TMEM108: variants seen among roughly 807,000 people sequenced by gnomAD.
TMEM108 encodes cancer/testis antigen 124.
In TMEM108, 12 loss-of-function variants were observed where a neutral mutation model predicts 35.1. That is an observed-to-expected ratio of 0.34 (90% CI 0.22 to 0.55). TMEM108 has a LOEUF of 0.55. Ranked by LOEUF, TMEM108 falls within the 20% of genes least tolerant of loss-of-function variation. The pLI, the probability that TMEM108 is intolerant of heterozygous loss-of-function variation, is 0.89. For synonymous variants in TMEM108, 287 were observed against 308.6 expected (o/e 0.93, Z 0.73); for missense variants, 680 against 753.3 (o/e 0.90, Z 1.14).
At chr3:133,184,221 C>G (rs1303524032) in intron 2 of TMEM108, among the ~76,000 whole-genome samples, 1 of 152,142 alleles carries the variant, frequency 6.6e-6, no homozygotes, top group Admixed American at 6.5e-5. Flanking sequence ...GCTGTTACAT[C>G]AGATGTGATC....
At chr3:133,298,254 C>G (rs1947172885) in intron 3 of TMEM108, among the ~76,000 whole-genome samples, 1 of 152,138 alleles carries the variant, frequency 6.6e-6, no homozygotes, top group South Asian at 2.1e-4. Context: ...ACCCTCCCAG[C>G]TCTGCCAGAA....
Position 133,380,139 on chromosome 3 carries a change from T to A in TMEM108, c.428T>A (p.Leu143Gln), listed in dbSNP as rs747897988. ...GGGCAGGCTGCCCCCACCATCCTGCTGACAAAGCCACCGGGGGCCACCAGC... is the reference window on the plus strand; with the variant it reads ...GGGCAGGCTGCCCCCACCATCCTGCAGACAAAGCCACCGGGGGCCACCAGC... ...PRGQAAPTIL[L>Q]TKPPGATSRP... The change falls in exon 4 of 6, where the codon CTG becomes CAG. Residue 143 changes from leucine to glutamine, a missense_variant. This residue lies in a region of TMEM108 where 526 missense variants were observed against 532.1 expected (regional missense o/e 0.99). Coordinates refer to ENST00000321871, the MANE Select transcript of TMEM108 (RefSeq NM_023943.4). This position sits in a 1 kb window ranked among gnomAD's most constrained non-coding sequence, Gnocchi z 5.3. 3 of 1,613,582 alleles carry A rather than the reference T, an allele frequency of 1.9e-6. No homozygotes were observed. The highest frequency in any genetic ancestry group is 1.7e-5 in the Admixed American group (1 of 59,984).
At chr3:133,345,538 A>G (rs1007070136) in intron 3 of TMEM108, among the ~76,000 whole-genome samples, 1 of 151,858 alleles carries the variant, frequency 6.6e-6, no homozygotes, top group South Asian at 2.1e-4. Context: ...CAGACACTCA[A>G]ATAAATGCAA....
chr3:133,222,544 C>T (rs1414181155), intron 2 of TMEM108, among the ~76,000 whole-genome samples: 3 of 152,016 alleles, frequency 2.0e-5, no homozygotes, highest in African/African-American at 4.8e-5. Flanking sequence ...CTCCACTAAT[C>T]CCATAAGCTC....
chr3:133,295,582 A>G (rs1327854916), intron 3 of TMEM108, among the ~76,000 whole-genome samples: 1 of 152,194 alleles, frequency 6.6e-6, no homozygotes, highest in Non-Finnish European at 1.5e-5. Flanking sequence ...GAAGAGCAGA[A>G]GTGTGCAGTG....
At position 133,379,727 on chromosome 3, in the gene TMEM108, C is replaced by G. The variant is rs371142650; in HGVS notation, c.41-25C>G. ...GTATGCTGCTCCCCAAGTATTTTAC[C>G]TCTTCTCTCTGTCTCCTTTTCAAGG... On this transcript the variant is annotated intron_variant, in intron 3 of 5. Transcript: ENST00000321871. 2.9e-5 allele frequency: 47 copies of G among 1,603,292 alleles called. No homozygotes were observed. In the African/African-American group the frequency reaches 6.2e-4, roughly 21 times the overall value.
At chr3:133,279,628 C>G (rs954686491) in intron 3 of TMEM108, among the ~76,000 whole-genome samples, 36 of 152,186 alleles carry the variant, frequency 2.4e-4, no homozygotes, top group African/African-American at 8.4e-4. Flanking sequence ...TCCCAGCAGC[C>G]ATGTACCACA....
chr3:133,314,842 T>C (rs1427882951), intron 3 of TMEM108, among the ~76,000 whole-genome samples: 2 of 152,212 alleles, frequency 1.3e-5, no homozygotes, highest in Non-Finnish European at 2.9e-5. Context: ...ACTATTGATA[T>C]AGCTCTCTGA....
At chr3:133,097,079 G>T (rs905539302) in intron 2 of TMEM108, among the ~76,000 whole-genome samples, 1 of 152,246 alleles carries the variant, frequency 6.6e-6, no homozygotes, top group Non-Finnish European at 1.5e-5. Flanking sequence ...GTTAAGTTCT[G>T]TAGAGGCCAT....
At chr3:133,384,949 T>C (rs2107851197) in intron 4 of TMEM108, among the ~76,000 whole-genome samples, 1 of 152,340 alleles carries the variant, frequency 6.6e-6, no homozygotes, top group East Asian at 1.9e-4. Context: ...CCCCTCTCTC[T>C]CTGACACTAG....
intron 1 of TMEM108, among the ~76,000 whole-genome samples, chr3:133,040,202 G>T (rs1032725509): frequency 2.3e-3 from 272 of 119,658 alleles, no homozygotes; most frequent in African/African-American, 3.7e-3. Context: ...TTGTTTGTTT[G>T]TTTGTTTTTT....
intron 2 of TMEM108, among the ~76,000 whole-genome samples, chr3:133,204,067 C>T (rs113779732): frequency 6.6e-6 from 1 of 152,002 alleles, no homozygotes; most frequent in Non-Finnish European, 1.5e-5. Context: ...TCTAGATTTT[C>T]TAGTTTGTTT....
In TMEM108 at chr3:133,348,884, A is replaced by G. The variant is rs149556625; in HGVS notation, c.41-30868A>G. Among the ~76,000 whole-genome samples the G allele has an allele frequency of 2.7e-3, 411 of 152,306 alleles. 5 individuals are homozygous for G. The highest frequency in any genetic ancestry group is 9.3e-3 in the African/African-American group (387 of 41,562). ...AATATTGGTAAATATTTCCAAAAAC[A>G]GGATTGGGAAGGACTTTTCTTTGGT... On this transcript the variant is annotated intron_variant, in intron 3 of 5. Transcript: ENST00000321871.
At chr3:133,251,716 G>A (rs185807906) in intron 3 of TMEM108, among the ~76,000 whole-genome samples, 19 of 152,232 alleles carry the variant, frequency 1.2e-4, no homozygotes, top group Non-Finnish European at 2.6e-4. Context: ...GTCTAGTCAC[G>A]TGGTCCTATC....
chr3:133,354,189 G>A (rs1443465275), intron 3 of TMEM108, among the ~76,000 whole-genome samples: 1 of 151,968 alleles, frequency 6.6e-6, no homozygotes, highest in South Asian at 2.1e-4. Context: ...AAGCCTTTTT[G>A]AAAAAATGAA....
chr3:133,219,911 G>T (rs1945962950), intron 2 of TMEM108, among the ~76,000 whole-genome samples: 1 of 152,078 alleles, frequency 6.6e-6, no homozygotes, highest in South Asian at 2.1e-4. Context: ...ATTGTTGAAA[G>T]TGGAGCCTTG....
intron 4 of TMEM108, chr3:133,389,131 T>TTCTGCAGTGTGAA (rs2073195832): frequency 1.0e-6 from 1 of 985,626 alleles, no homozygotes; most frequent in South Asian, 4.7e-5. Context: ...TGTGTTACCC[T>TTCTGCAGTGTGAA]TCTGCAGTGT....
intron 2 of TMEM108, among the ~76,000 whole-genome samples, chr3:133,217,025 G>T (rs1246673655): frequency 6.6e-6 from 1 of 151,984 alleles, no homozygotes; most frequent in East Asian, 1.9e-4. Flanking sequence ...CATAATAGTT[G>T]TACTAATTTA....
intron 2 of TMEM108, among the ~76,000 whole-genome samples, chr3:133,202,202 C>G (rs1474454312): frequency 2.0e-5 from 3 of 152,100 alleles, no homozygotes; most frequent in Admixed American, 6.6e-5. Context: ...AGCCCTTTGT[C>G]AGATGGATAG....
Sources: gnomAD v4.1 joint callset for allele counts (sites outside exome capture counted in the v4.1 genomes callset) on GRCh38, gnomAD v4.1.1 for gene constraint, gnomAD v4.1.1 regional missense constraint, Gnocchi (gnomAD v3.1) non-coding constraint, MANE v1.5 for transcripts, NCBI Gene and HGNC (gene_info 2026-07-23, HGNC 2026-07-21) for gene names.